Variants in PLCH1 observed in about 807,000 individuals in gnomAD.
The protein encoded by PLCH1 is 1-phosphatidylinositol 4,5-bisphosphate phosphodiesterase eta-1.
Under a neutral mutation model 126.7 loss-of-function variants are expected in PLCH1, and 60 were observed. The ratio of observed to expected loss-of-function variants is 0.47; its 90% confidence interval spans 0.38 to 0.59. PLCH1 has a LOEUF of 0.59. PLCH1 is among the 20% of genes least tolerant of loss of function. The pLI, the probability that PLCH1 is intolerant of heterozygous loss-of-function variation, is 0.00. For synonymous variants in PLCH1, 719 were observed against 734.9 expected, an observed-to-expected ratio of 0.98 and a Z score of 0.35; for missense variants, 1,723 against 2,040.0, an observed-to-expected ratio of 0.84 and a Z score of 2.99.
chr3:155,550,532 A>G (rs952379420), intron 9 of PLCH1, among the ~76,000 whole-genome samples: 2 of 152,202 alleles, frequency 1.3e-5, no homozygotes, highest in African/African-American at 4.8e-5. Flanking sequence ...AAATAAAAAT[A>G]AAAACCAGCC....
chr3:155,453,564 A>G (rs1712365886), intron 21 of PLCH1, among the ~76,000 whole-genome samples: 1 of 152,174 alleles, frequency 6.6e-6, no homozygotes, highest in African/African-American at 2.4e-5. Context: ...ATTAAAATAC[A>G]ACGCAAAATG....
At chr3:155,641,445 G>A (rs1739391342) in intron 2 of PLCH1, among the ~76,000 whole-genome samples, 2 of 151,866 alleles carry the variant, frequency 1.3e-5, no homozygotes, top group Non-Finnish European at 2.9e-5. Context: ...ATAGGAGAGA[G>A]GTCCTCATCA....
chr3:155,518,734 C>CA (rs147078426), intron 11 of PLCH1, among the ~76,000 whole-genome samples: 46 of 149,786 alleles, frequency 3.1e-4, no homozygotes, highest in Admixed American at 1.2e-3. Flanking sequence ...GCTGCGAGGA[C>CA]AAAAAAAAAG....
intron 21 of PLCH1, among the ~76,000 whole-genome samples, chr3:155,452,137 C>T (rs1222267380): frequency 6.6e-6 from 1 of 152,134 alleles, no homozygotes; most frequent in Non-Finnish European, 1.5e-5. Flanking sequence ...ATCGGACTTA[C>T]AAGTTCCACA....
At chr3:155,483,081 C>T in intron 22 of PLCH1, 30 bp from the exon 23 acceptor site, 1 of 1,588,966 alleles carries the variant, frequency 6.3e-7, no homozygotes, top group Non-Finnish European at 8.6e-7. Context: ...TTTTAGGTGA[C>T]ATCTATCACT....
intron 2 of PLCH1, among the ~76,000 whole-genome samples, chr3:155,604,028 G>A (rs1734063518): frequency 6.6e-6 from 1 of 152,128 alleles, no homozygotes; most frequent in Admixed American, 6.5e-5. Flanking sequence ...GAGCCCAGGA[G>A]GTTGAGGCTG....
chr3:155,587,568 A>C (rs1252294031), intron 4 of PLCH1, among the ~76,000 whole-genome samples: 1 of 152,200 alleles, frequency 6.6e-6, no homozygotes, highest in East Asian at 1.9e-4. Context: ...AATTGGCCCA[A>C]ATTTCTAAAT....
chr3:155,717,328 C>T (rs1747596574), intron 1 of PLCH1, among the ~76,000 whole-genome samples: 1 of 152,256 alleles, frequency 6.6e-6, no homozygotes, highest in Non-Finnish European at 1.5e-5. Flanking sequence ...CCCCTTCCCA[C>T]AGTTCCACTA....
chr3:155,611,205 C>G (rs1735044033), intron 2 of PLCH1, among the ~76,000 whole-genome samples: 1 of 152,016 alleles, frequency 6.6e-6, no homozygotes, highest in East Asian at 1.9e-4. Context: ...GCCTGGATAA[C>G]ATGGCAAACC....
At chr3:155,574,273 A>G (rs1239275645) in intron 6 of PLCH1, among the ~76,000 whole-genome samples, 2 of 152,150 alleles carry the variant, frequency 1.3e-5, no homozygotes, top group African/African-American at 4.8e-5. Flanking sequence ...TTGCCCTGCT[A>G]CAAGGGTTGG....
intron 1 of PLCH1, among the ~76,000 whole-genome samples, chr3:155,737,226 C>A (rs1468218206): frequency 5.0e-5 from 1 of 20,086 alleles, no homozygotes; most frequent in Non-Finnish European, 2.2e-4. Context: ...AGCAAGCCTC[C>A]GTCTCAAAAA....
intron 18 of PLCH1, among the ~76,000 whole-genome samples, chr3:155,492,151 G>A (rs1002539415): frequency 6.6e-6 from 1 of 152,168 alleles, no homozygotes; most frequent in South Asian, 2.1e-4. Context: ...AGCTCTGAGA[G>A]GAAGGGCATG....
chr3:155,679,470 A>C (rs1239335213), intron 2 of PLCH1, among the ~76,000 whole-genome samples: 1 of 152,172 alleles, frequency 6.6e-6, no homozygotes, highest in Non-Finnish European at 1.5e-5. Context: ...ATACTCCATA[A>C]ATAGAAGCTA....
intron 21 of PLCH1, among the ~76,000 whole-genome samples, chr3:155,486,638 C>T: frequency 6.6e-6 from 1 of 151,354 alleles, no homozygotes; most frequent in Non-Finnish European, 1.5e-5. Context: ...CATTCTCCTG[C>T]CTCAGCCTCC....
At position 155,681,323 on chromosome 3, in the gene PLCH1, G is replaced by A. The variant is rs7647100; in HGVS notation, c.79+22823C>T. 8.6e-3 allele frequency among the ~76,000 whole-genome samples: 1,311 copies of A among 152,268 alleles called. 18 individuals carry two copies. The highest frequency in any genetic ancestry group is 0.03 in the African/African-American group (1,256 of 41,554). On this transcript the variant is annotated intron_variant, in intron 2 of 22. Coordinates refer to ENST00000460012, the MANE Select transcript of PLCH1 (RefSeq NM_014996.4). The stretch of plus-strand genomic sequence containing the variant: ...TTATGAAGCACTTTACTATGTTCCA[G>A]ATACTGTTCCTAGCATTGCACATGC...
chr3:155,622,031 A>T (rs1207102446), intron 2 of PLCH1, among the ~76,000 whole-genome samples: 2 of 152,252 alleles, frequency 1.3e-5, no homozygotes, highest in Non-Finnish European at 2.9e-5. Context: ...GGTTACCCAC[A>T]AAGGGAAGCC....
Position 155,481,421 on chromosome 3 carries a change from G to C in PLCH1, c.4605C>G (p.Thr1535=), listed in dbSNP as rs374800898. The change falls in exon 23 of 23, where the codon ACC becomes ACG. Residue 1535 remains threonine (T), a synonymous_variant. Transcript: ENST00000460012. This position sits in a 1 kb window ranked among gnomAD's most constrained non-coding sequence, Gnocchi z 4.2. ...AGGACACAAGCTTCCGAAGCTGCTC[G>C]GTCAGGGCATCTATAGGCTCTAACG... ...TKSLEPIDAL[T]EQLRKLVSFD... 21 of 1,614,142 alleles carry C rather than the reference G, an allele frequency of 1.3e-5. No individual in the cohort carries two copies. The highest frequency in any genetic ancestry group is 2.7e-5 in the African/African-American group (2 of 75,034).
intron 7 of PLCH1, among the ~76,000 whole-genome samples, chr3:155,565,660 A>G (rs904382121): frequency 6.6e-6 from 1 of 150,622 alleles, no homozygotes; most frequent in African/African-American, 2.4e-5. Context: ...AGCCTCGGGT[A>G]TTTCTTTCTT....
intron 1 of PLCH1, among the ~76,000 whole-genome samples, chr3:155,737,418 A>G (rs1408524246): frequency 6.6e-6 from 1 of 151,350 alleles, no homozygotes; most frequent in Non-Finnish European, 1.5e-5. Context: ...TGCAACATCA[A>G]CCTCCTGGGT....
Sources: allele counts gnomAD v4.1 joint callset (sites outside exome capture counted in the v4.1 genomes callset), GRCh38; gene constraint gnomAD v4.1.1; non-coding constraint Gnocchi (gnomAD v3.1); transcripts MANE v1.5; gene names NCBI Gene and HGNC (gene_info 2026-07-23, HGNC 2026-07-21).